Variants in ABCB1 observed in about 807,000 individuals in gnomAD.
The protein encoded by ABCB1 is ATP-dependent translocase ABCB1.
ABCB1 carries 69 observed loss-of-function variants against 142.0 expected under a neutral mutation model. That is an observed-to-expected ratio of 0.49 (90% CI 0.40 to 0.59). The LOEUF (loss-of-function observed/expected upper bound fraction) is 0.59, where lower values mean the gene tolerates loss of function less well. Among genes scored for constraint, ABCB1 ranks in the 20% least tolerant of loss-of-function variants. ABCB1 has a pLI of 0.00. For missense variants in ABCB1, 1,326 were observed against 1,554.7 expected (o/e 0.85, Z 2.47); for synonymous variants, 532 against 539.2 (o/e 0.99, Z 0.18).
chr7:87,531,248 A>G (rs1324383509), intron 21 of ABCB1, 46 bp downstream of exon 21: 1 of 1,501,930 alleles, frequency 6.7e-7, no homozygotes, highest in Admixed American at 1.7e-5. Flanking sequence ...ACTGATTAGA[A>G]TACTTTACTC....
intron 27 of ABCB1, among the ~76,000 whole-genome samples, chr7:87,504,754 A>G (rs1374273522): frequency 4.6e-5 from 7 of 151,684 alleles, no homozygotes; most frequent in South Asian, 2.1e-4. Context: ...GCAGGGAGCC[A>G]AGATTGCGCC....
At chr7:87,584,926 G>A (rs1389163031) in intron 4 of ABCB1, among the ~76,000 whole-genome samples, 1 of 151,286 alleles carries the variant, frequency 6.6e-6, no homozygotes, top group African/African-American at 2.4e-5. Context: ...CAAGCTACAA[G>A]CTATTATTTA....
upstream of ABCB1, among the ~76,000 whole-genome samples, chr7:87,603,852 A>G (rs936396156): frequency 4.6e-5 from 7 of 152,246 alleles, no homozygotes; most frequent in African/African-American, 1.7e-4. Flanking sequence ...CCTTTTTGGT[A>G]AAGAGTAGAT....
intron 1 of ABCB1, among the ~76,000 whole-genome samples, chr7:87,613,405 T>C (rs1031256037): frequency 6.6e-6 from 1 of 151,686 alleles, no homozygotes; most frequent in African/African-American, 2.4e-5. Context: ...CAAAAAGACA[T>C]ATGTGCTTAT....
chr7:87,675,329 C>T (rs1826217609), intron 1 of ABCB1, among the ~76,000 whole-genome samples: 1 of 152,186 alleles, frequency 6.6e-6, no homozygotes, highest in African/African-American at 2.4e-5. Flanking sequence ...ATTTTAATGA[C>T]ATTTTTCATA....
intron 1 of ABCB1, among the ~76,000 whole-genome samples, chr7:87,704,966 G>A (rs992162604): frequency 1.3e-5 from 2 of 152,214 alleles, no homozygotes; most frequent in South Asian, 4.1e-4. Flanking sequence ...CTTGACACAT[G>A]TGAAAAGATA....
At chr7:87,504,808 G>GAA (rs113719447) in intron 27 of ABCB1, among the ~76,000 whole-genome samples, 24 of 86,890 alleles carry the variant, frequency 2.8e-4, no homozygotes, top group Non-Finnish European at 4.8e-4. Flanking sequence ...CCATCTCAAA[G>GAA]AAAAAAAAAA....
At chr7:87,657,466 C>T (rs570767267) in intron 1 of ABCB1, among the ~76,000 whole-genome samples, 7 of 152,244 alleles carry the variant, frequency 4.6e-5, no homozygotes, top group Admixed American at 6.5e-5. Flanking sequence ...CTTAGAATTC[C>T]GCCCTCCTGA....
In ABCB1 at chr7:87,541,592, G is replaced by A. The variant is rs1584862188; in HGVS notation, c.2212-128C>T. On this transcript the variant is annotated intron_variant, in intron 17 of 27. Transcript: ENST00000622132. The stretch of plus-strand genomic sequence containing the variant: ...CTTAGTACGCTGGAAATTGGGGTTG[G>A]CTTTCCTATTGCCAGCCTTAAAGGT... 1.4e-6 allele frequency: 1 copy of A among 730,322 alleles called. No individual in the cohort carries two copies. Among genetic ancestry groups the A allele is most frequent in the South Asian group, 1.5e-5 (1 of 67,380 alleles). The allele number at this position is 730,322 out of a possible 1,614,324, so 45.2% of individuals were successfully genotyped here.
intron 15 of ABCB1, among the ~76,000 whole-genome samples, 168 bp from the exon 16 acceptor site, chr7:87,545,167 T>C (rs1363825601): frequency 1.3e-5 from 2 of 152,104 alleles, no homozygotes; most frequent in Admixed American, 6.5e-5. Flanking sequence ...TGTGTCTGTG[T>C]GTGTGTGTGA....
chr7:87,518,385 TA>T, intron 23 of ABCB1, among the ~76,000 whole-genome samples: 1 of 152,320 alleles, frequency 6.6e-6, no homozygotes, highest in South Asian at 2.1e-4. Flanking sequence ...AGTAAAGCAA[TA>T]TATCAAATAA....
intron 3 of ABCB1, among the ~76,000 whole-genome samples, chr7:87,586,175 G>A (rs552881455): frequency 6.6e-6 from 1 of 152,262 alleles, no homozygotes; most frequent in Admixed American, 6.5e-5. Flanking sequence ...AAGATAATTA[G>A]GCCTCAAGAA....
intron 1 of ABCB1, among the ~76,000 whole-genome samples, chr7:87,668,961 G>A (rs1825551442): frequency 1.3e-5 from 2 of 152,170 alleles, no homozygotes; most frequent in African/African-American, 4.8e-5. Context: ...GGTGTTTTTT[G>A]GTGGAGAGTT....
chr7:87,513,563 G>C (rs1815108905), intron 25 of ABCB1, among the ~76,000 whole-genome samples: 1 of 152,048 alleles, frequency 6.6e-6, no homozygotes, highest in African/African-American at 2.4e-5. Context: ...TCCTACATGA[G>C]TTCTCATCAG....
At chr7:87,520,980 T>G (rs1815479033) in intron 21 of ABCB1, 104 bp from the exon 22 acceptor site, 1 of 854,986 alleles carries the variant, frequency 1.2e-6, no homozygotes, top group African/African-American at 1.7e-5. Flanking sequence ...TGATTACATA[T>G]TTATTATTAT....
rs1818711566 is a variant in ABCB1, at chr7:87,585,556, T to C, written c.242A>G (p.Asn81Ser). ...VFGEMTDIFA[N>S]AGNLEDLMSN... ...CATCAGATCTTCTAAATTTCCTGCA[T>C]TTGCAAAGATATCTGTCATTTCTCC... Residue 81 changes from asparagine to serine, a missense_variant, in exon 4 of 28, where the codon AAT becomes AGT. Physicochemically the swap from Asn to Ser is conservative, Grantham distance 46 (BLOSUM62 1). Transcript: ENST00000622132. 4 of 1,613,958 alleles carry C rather than the reference T, an allele frequency of 2.5e-6. No homozygotes were observed. Among genetic ancestry groups the C allele is most frequent in the South Asian group, 2.2e-5 (2 of 91,082 alleles).
At chr7:87,517,004 C>T (rs981426920) in intron 23 of ABCB1, among the ~76,000 whole-genome samples, 10 of 151,908 alleles carry the variant, frequency 6.6e-5, no homozygotes, top group African/African-American at 1.5e-4. Flanking sequence ...CCAAAAGTGC[C>T]GGGATTATAG....
chr7:87,666,221 G>T (rs990527357), intron 1 of ABCB1, among the ~76,000 whole-genome samples: 10 of 152,158 alleles, frequency 6.6e-5, no homozygotes, highest in African/African-American at 1.9e-4. Context: ...GTTTTGATTT[G>T]CATTTTTCTA....
chr7:87,508,006 T>G (rs1814823759), intron 26 of ABCB1, among the ~76,000 whole-genome samples: 1 of 151,680 alleles, frequency 6.6e-6, no homozygotes, highest in Admixed American at 6.6e-5. Flanking sequence ...GGGGGGTAAG[T>G]GTTGAAAAAC....
Sources: allele counts gnomAD v4.1 joint callset (sites outside exome capture counted in the v4.1 genomes callset), GRCh38; gene constraint gnomAD v4.1.1; transcripts MANE v1.5; gene names NCBI Gene and HGNC (gene_info 2026-07-23, HGNC 2026-07-21).